ERC1: variants seen among roughly 807,000 people sequenced by gnomAD.
ERC1 encodes the protein RAB6 interacting protein 2.
ERC1 carries 56 observed loss-of-function variants against 132.0 expected under a neutral mutation model. The ratio of observed to expected loss-of-function variants is 0.42; its 90% confidence interval spans 0.34 to 0.53. The LOEUF (loss-of-function observed/expected upper bound fraction) is 0.53. Among genes scored for constraint, ERC1 ranks in the 20% least tolerant of loss-of-function variants. The pLI is 0.03. For synonymous variants in ERC1, 478 were observed against 476.1 expected, an observed-to-expected ratio of 1.00 and a Z score of -0.05; for missense variants, 1,202 against 1,349.9, an observed-to-expected ratio of 0.89 and a Z score of 1.72.
At chr12:1,272,957 A>C (rs1477805419) in intron 14 of ERC1, among the ~76,000 whole-genome samples, 2 of 151,486 alleles carry the variant, frequency 1.3e-5, no homozygotes, top group Non-Finnish European at 2.9e-5. Flanking sequence ...AAAAAAAAAA[A>C]AAAAAAAAAA....
intron 2 of ERC1, among the ~76,000 whole-genome samples, chr12:1,057,304 A>G (rs1165537252): frequency 6.6e-6 from 1 of 151,802 alleles, no homozygotes; most frequent in Non-Finnish European, 1.5e-5. Flanking sequence ...TTGTGTTTTT[A>G]GTAGAGACTG....
intron 15 of ERC1, among the ~76,000 whole-genome samples, chr12:1,298,244 A>T (rs774500087): frequency 4.6e-5 from 7 of 152,168 alleles, no homozygotes; most frequent in Non-Finnish European, 1.0e-4. Flanking sequence ...CAAAAATTTT[A>T]AAAACCCTGA....
chr12:1,394,895 G>T (rs1205346832), intron 16 of ERC1, among the ~76,000 whole-genome samples: 1 of 152,192 alleles, frequency 6.6e-6, no homozygotes, highest in Non-Finnish European at 1.5e-5. Context: ...CTAAATTACA[G>T]ACAAACTGTG....
rs1565553284 is a variant in ERC1, at chr12:1,493,541, AAAAAAAAATATATATATAT to A, written c.*3313_*3331del. 2.2e-5 allele frequency: 2 copies of A among 89,746 alleles called. No homozygotes were observed. Among genetic ancestry groups the A allele is most frequent in the East Asian group, 3.7e-4 (1 of 2,680 alleles). The allele number at this position is 89,746 out of a possible 1,614,324, so 5.6% of individuals were successfully genotyped here. ...GACAGAGACTCCATTTAAAAAAAAAAAAAAAAAATATATATATATATATATATATATATATATGGATGGG... is the reference window on the plus strand; with the variant it reads ...GACAGAGACTCCATTTAAAAAAAAAAATATATATATATATATATGGATGGG... On this transcript the variant is annotated 3_prime_UTR_variant, in exon 19 of 19. Transcript: ENST00000360905.
chr12:1,015,337 G>A lies in ERC1; in HGVS notation c.-156-12411G>A, dbSNP rs114706613. On this transcript the variant is annotated intron_variant, in intron 1 of 18. Coordinates refer to ENST00000360905, the MANE Select transcript of ERC1 (RefSeq NM_178040.4). Reference sequence around the variant, plus strand: ...GCCTTTTAAAGTGCTGGGATTACAAGTATGAGCCACCATGCCTGGCCATTG... The same window carrying A: ...GCCTTTTAAAGTGCTGGGATTACAAATATGAGCCACCATGCCTGGCCATTG... 5.6e-3 allele frequency among the ~76,000 whole-genome samples: 846 copies of A among 152,230 alleles called. 5 individuals carry two copies. The highest frequency in any genetic ancestry group is 0.02 in the African/African-American group (811 of 41,540).
intron 8 of ERC1, among the ~76,000 whole-genome samples, chr12:1,149,251 A>G (rs1318052282): frequency 4.0e-4 from 61 of 152,134 alleles, no homozygotes. Context: ...CCACATTTCC[A>G]TCCAGAGAAC....
intron 15 of ERC1, among the ~76,000 whole-genome samples, chr12:1,309,908 C>T (rs2081164865): frequency 6.6e-6 from 1 of 151,732 alleles, no homozygotes; most frequent in Non-Finnish European, 1.5e-5. Context: ...GTAATAGTAC[C>T]TAGTGCTGAG....
chr12:1,258,823 A>G (rs571702017), intron 13 of ERC1, among the ~76,000 whole-genome samples: 103 of 152,338 alleles, frequency 6.8e-4, no homozygotes, highest in African/African-American at 2.1e-3. Flanking sequence ...GGACTTTTGA[A>G]TAAAAAGCTG....
chr12:1,052,905 G>A lies in ERC1; in HGVS notation c.669+24333G>A, dbSNP rs1266568534. 2.6e-5 allele frequency among the ~76,000 whole-genome samples: 4 copies of A among 152,102 alleles called. No individual in the cohort carries two copies. In the East Asian group the frequency reaches 7.7e-4, roughly 29 times the overall value. ...GAATTTCTTGAACCCAGGAGGTGGA[G>A]GTTGCCGTGAGCCAAGATGGTGCCG... is the stretch of plus-strand genomic sequence containing the variant. On this transcript the variant is annotated intron_variant, in intron 2 of 18. Coordinates refer to ENST00000360905, the MANE Select transcript of ERC1 (RefSeq NM_178040.4).
intron 12 of ERC1, among the ~76,000 whole-genome samples, chr12:1,231,483 T>C (rs2075034099): frequency 6.6e-6 from 1 of 152,218 alleles, no homozygotes. Context: ...TATTCTGAAT[T>C]TGACTGTATA....
chr12:1,093,344 A>T (rs1943496398), intron 3 of ERC1, among the ~76,000 whole-genome samples: 1 of 152,142 alleles, frequency 6.6e-6, no homozygotes. Context: ...CTGTTAGAAG[A>T]GTGGGGACAT....
chr12:1,164,772 A>G (rs1952235381), intron 8 of ERC1, among the ~76,000 whole-genome samples: 1 of 152,186 alleles, frequency 6.6e-6, no homozygotes, highest in African/African-American at 2.4e-5. Flanking sequence ...TTTTTGGAAA[A>G]TATCTACTTC....
intron 17 of ERC1, among the ~76,000 whole-genome samples, chr12:1,425,817 T>C (rs2092617422): frequency 6.6e-6 from 1 of 152,130 alleles, no homozygotes; most frequent in Non-Finnish European, 1.5e-5. Flanking sequence ...CCAAGAAAAA[T>C]GTAGACACCT....
At chr12:1,400,919 T>A (rs796415301) in intron 16 of ERC1, among the ~76,000 whole-genome samples, 1,115 of 33,028 alleles carry the variant, frequency 0.034, 9 homozygotes, top group African/African-American at 0.18. Flanking sequence ...TTTTTGTATT[T>A]TTTTTTTTTT....
intron 12 of ERC1, among the ~76,000 whole-genome samples, chr12:1,209,403 ATT>A (rs11361651): frequency 0.078 from 10,986 of 141,740 alleles, 547 homozygotes; most frequent in Non-Finnish European, 0.12. Flanking sequence ...TCTTCATAGC[ATT>A]TTTTTTTTTT....
At chr12:1,198,514 G>A (rs1243878273) in intron 12 of ERC1, among the ~76,000 whole-genome samples, 23 of 152,132 alleles carry the variant, frequency 1.5e-4, no homozygotes, top group Non-Finnish European at 1.5e-5. Context: ...TAGTTATGAT[G>A]GAGGTAACTT....
chr12:1,314,586 A>G (rs1167072593), intron 15 of ERC1, among the ~76,000 whole-genome samples: 1 of 152,208 alleles, frequency 6.6e-6, no homozygotes, highest in Non-Finnish European at 1.5e-5. Context: ...CAAGCACACA[A>G]TGATTGACCC....
At chr12:1,110,637 C>G (rs1427926193) in intron 5 of ERC1, among the ~76,000 whole-genome samples, 1 of 152,182 alleles carries the variant, frequency 6.6e-6, no homozygotes, top group Non-Finnish European at 1.5e-5. Flanking sequence ...CGAAAAACTT[C>G]CAGATGAGTT....
At chr12:1,117,379 A>G (rs574429896) in intron 7 of ERC1, among the ~76,000 whole-genome samples, 1 of 152,288 alleles carries the variant, frequency 6.6e-6, no homozygotes, top group African/African-American at 2.4e-5. Context: ...ATTTTAGCTG[A>G]CATGTTTGTC....
Sources: allele counts gnomAD v4.1 joint callset (sites outside exome capture counted in the v4.1 genomes callset), GRCh38; gene constraint gnomAD v4.1.1; transcripts MANE v1.5; gene names NCBI Gene and HGNC (gene_info 2026-07-23, HGNC 2026-07-21).